Variants in MYO1H observed in about 807,000 individuals in gnomAD.
The protein encoded by MYO1H is myosin IH.
In MYO1H, 118 loss-of-function variants were observed where a neutral mutation model predicts 149.3. The ratio of observed to expected loss-of-function variants is 0.79; its 90% CI spans 0.68 to 0.92. The LOEUF (loss-of-function observed/expected upper bound fraction) is 0.92, where lower values mean the gene tolerates loss of function less well. Among genes scored for constraint, MYO1H ranks in the 40% least tolerant of loss-of-function variants. The pLI, the probability that MYO1H is intolerant of heterozygous loss-of-function variation, is 0.00. For synonymous variants in MYO1H, 447 were observed against 465.2 expected (o/e 0.96, Z 0.50); for missense variants, 1,212 against 1,280.7 (o/e 0.95, Z 0.82).
At chr12:109,364,773 T>C (rs374929713) in intron 1 of MYO1H, among the ~76,000 whole-genome samples, 1 of 152,212 alleles carries the variant, frequency 6.6e-6, no homozygotes, top group Non-Finnish European at 1.5e-5. Context: ...CATTTTTTTT[T>C]CCATATGATA....
intron 27 of MYO1H, 64 bp from the exon 28 acceptor site, chr12:109,443,450 C>CT: frequency 4.4e-6 from 7 of 1,581,018 alleles, no homozygotes; most frequent in Non-Finnish European, 6.0e-6. Flanking sequence ...TTACCGGTGT[C>CT]TGAGTAGCAA....
chr12:109,378,164 TCAC>T (rs902794264), intron 1 of MYO1H, among the ~76,000 whole-genome samples: 29 of 152,318 alleles, frequency 1.9e-4, no homozygotes, highest in African/African-American at 6.7e-4. Flanking sequence ...TGTGCAGTCA[TCAC>T]CACACCATGG....
chr12:109,430,916 C>A (rs1871583550), intron 19 of MYO1H, among the ~76,000 whole-genome samples: 1 of 146,904 alleles, frequency 6.8e-6, no homozygotes, highest in Non-Finnish European at 1.5e-5. Context: ...ACAGAGTGAG[C>A]TCTGTATCAA....
the MYO1H span, among the ~76,000 whole-genome samples, chr12:109,311,150 T>C: frequency 6.6e-6 from 1 of 152,224 alleles, no homozygotes; most frequent in African/African-American, 2.4e-5. Flanking sequence ...GGAAAGAAAT[T>C]GTCTCTTCTG....
intron 25 of MYO1H, among the ~76,000 whole-genome samples, chr12:109,441,343 C>T (rs913516650): frequency 6.6e-6 from 1 of 152,188 alleles, no homozygotes; most frequent in Non-Finnish European, 1.5e-5. Flanking sequence ...TTCCCAATCC[C>T]TGATCTACAA....
chr12:109,364,370 C>T (rs1388975819), intron 1 of MYO1H, among the ~76,000 whole-genome samples: 2 of 151,770 alleles, frequency 1.3e-5, no homozygotes, highest in East Asian at 3.9e-4. Flanking sequence ...CTTTTTTGCC[C>T]AGGACTGGGG....
At chr12:109,413,808 G>C (rs1870778786) in intron 14 of MYO1H, among the ~76,000 whole-genome samples, 2 of 152,272 alleles carry the variant, frequency 1.3e-5, no homozygotes, top group Admixed American at 1.3e-4. Context: ...TACTCAGGAG[G>C]CTGAGGCAGG....
At chr12:109,328,738 G>A in the MYO1H span, among the ~76,000 whole-genome samples, 1,976 of 151,876 alleles carry the variant, frequency 0.013, 43 homozygotes, top group African/African-American at 0.046. Context: ...CTATATTTTC[G>A]CTAAATATTG....
rs575891525 is a variant in MYO1H at position 109,376,375 on chromosome 12, C to T, written c.13-12308C>T. On this transcript the variant is annotated intron_variant, in intron 1 of 31. Coordinates refer to ENST00000310903, the Ensembl canonical transcript of MYO1H. ...GTCCTTTTGTAACTGCTTCTTTCACCTAGCATGATGTTTTCAAGGTTCATC... is the reference window on the plus strand; with the variant it reads ...GTCCTTTTGTAACTGCTTCTTTCACTTAGCATGATGTTTTCAAGGTTCATC... Among the ~76,000 whole-genome samples, 35 of 152,256 alleles carry T rather than the reference C, an allele frequency of 2.3e-4. 2 individuals carry two copies. Among genetic ancestry groups the T allele is most frequent in the Non-Finnish European group, 4.4e-5 (3 of 68,028 alleles).
chr12:109,344,931 T>C (rs2048098091), upstream of MYO1H, among the ~76,000 whole-genome samples: 1 of 152,234 alleles, frequency 6.6e-6, no homozygotes, highest in Admixed American at 6.5e-5. Flanking sequence ...TGCAATGTTA[T>C]AAAGTTAGAT....
At chr12:109,360,718 A>C (rs112364913) in intron 1 of MYO1H, among the ~76,000 whole-genome samples, 3 of 152,216 alleles carry the variant, frequency 2.0e-5, no homozygotes, top group African/African-American at 7.2e-5. Flanking sequence ...TGAACTCCAT[A>C]AAGAAAAAAA....
chr12:109,439,766 G>A, exon 24 of MYO1H: 7 of 1,613,910 alleles, frequency 4.3e-6, no homozygotes, highest in Non-Finnish European at 5.9e-6. Flanking sequence ...AGAGCTGGCT[G>A]AGGCCTCCTG....
the MYO1H span, among the ~76,000 whole-genome samples, chr12:109,331,236 T>C: frequency 6.6e-6 from 1 of 152,238 alleles, no homozygotes; most frequent in African/African-American, 2.4e-5. Context: ...CTTCACTCAC[T>C]CTTGATTAGA....
chr12:109,335,369 A>T, the MYO1H span, among the ~76,000 whole-genome samples: 2 of 152,084 alleles, frequency 1.3e-5, no homozygotes, highest in Admixed American at 1.3e-4. Flanking sequence ...AACTATCGTG[A>T]TGACAGCACC....
chr12:109,332,608 C>CG, the MYO1H span, among the ~76,000 whole-genome samples: 3 of 152,208 alleles, frequency 2.0e-5, no homozygotes, highest in Non-Finnish European at 2.9e-5. Context: ...GCCAGGGTCT[C>CG]GCTCTGTTGC....
intron 1 of MYO1H, among the ~76,000 whole-genome samples, chr12:109,369,263 A>G (rs1356048978): frequency 6.6e-6 from 1 of 152,112 alleles, no homozygotes; most frequent in Non-Finnish European, 1.5e-5. Flanking sequence ...CATTCTTTTC[A>G]TGGCTGCACA....
At chr12:109,374,221 T>A (rs116542367) in intron 1 of MYO1H, among the ~76,000 whole-genome samples, 324 of 152,344 alleles carry the variant, frequency 2.1e-3, no homozygotes, top group African/African-American at 7.2e-3. Context: ...CTATAAGTCA[T>A]CTTTTGTGTC....
chr12:109,380,815 C>A (rs2137024955), intron 1 of MYO1H, among the ~76,000 whole-genome samples: 1 of 152,036 alleles, frequency 6.6e-6, no homozygotes, highest in East Asian at 1.9e-4. Flanking sequence ...GCATGGTGGC[C>A]CGCACCAGTA....
intron 1 of MYO1H, among the ~76,000 whole-genome samples, chr12:109,367,435 C>T (rs1379481442): frequency 6.6e-6 from 1 of 152,066 alleles, no homozygotes; most frequent in Non-Finnish European, 1.5e-5. Context: ...TTTTAAAAGA[C>T]CCATAACACA....
Sources: gnomAD v4.1 joint callset for allele counts (sites outside exome capture counted in the v4.1 genomes callset) on GRCh38, gnomAD v4.1.1 for gene constraint, MANE v1.5 for transcripts, NCBI Gene and HGNC (gene_info 2026-07-23, HGNC 2026-07-21) for gene names.